The following ELP2 variants were observed in gnomAD, a reference collection of about 807,000 sequenced individuals.
ELP2 encodes the protein elongator acetyltransferase complex subunit 2, also known as elongator complex protein 2.
Under a neutral mutation model 119.2 loss-of-function variants are expected in ELP2, and 90 were observed. That is an observed-to-expected ratio of 0.75 (90% CI 0.64 to 0.90). The LOEUF is 0.90. Ranked by LOEUF, ELP2 falls within the 40% of genes least tolerant of loss-of-function variation. The pLI is 0.00. For missense variants in ELP2, 921 were observed against 967.8 expected (o/e 0.95, Z 0.64); for synonymous variants, 339 against 331.0 (o/e 1.02, Z -0.26).
At chr18:36,158,291 A>G (rs1257018938) in intron 13 of ELP2, among the ~76,000 whole-genome samples, 1 of 152,222 alleles carries the variant, frequency 6.6e-6, no homozygotes, top group Admixed American at 6.5e-5. Flanking sequence ...ATTGATATAA[A>G]TTGCAAAATC....
chr18:36,151,394 C>A (rs910115338), intron 11 of ELP2, among the ~76,000 whole-genome samples: 1 of 152,138 alleles, frequency 6.6e-6, no homozygotes, highest in Non-Finnish European at 1.5e-5. Context: ...TGCCTTCCAG[C>A]TTTTACCATT....
At chr18:36,169,865 C>T (rs1245414131) in intron 19 of ELP2, 198 bp from the exon 20 acceptor site, 14 of 657,276 alleles carry the variant, frequency 2.1e-5, no homozygotes, top group South Asian at 7.0e-5. Context: ...CTCTCGGAGA[C>T]GCATGTCTGC....
intron 3 of ELP2, chr18:36,137,081 A>G (rs979953769): frequency 2.6e-5 from 4 of 152,276 alleles, no homozygotes; most frequent in Admixed American, 2.6e-4. Flanking sequence ...AAATCTGAGC[A>G]GAGTTAACTT....
intron 8 of ELP2, 70 bp downstream of exon 8, chr18:36,143,036 A>G: frequency 9.2e-7 from 1 of 1,085,866 alleles, no homozygotes; most frequent in East Asian, 2.5e-5. Flanking sequence ...TTTTTTCACC[A>G]CCCACCTATG....
At chr18:36,151,387 C>A (rs1156605228) in intron 11 of ELP2, among the ~76,000 whole-genome samples, 3 of 152,170 alleles carry the variant, frequency 2.0e-5, no homozygotes, top group East Asian at 3.9e-4. Flanking sequence ...CCTGCCCTGC[C>A]TTCCAGCTTT....
At chr18:36,160,603 T>A (rs2090707592) in intron 16 of ELP2, among the ~76,000 whole-genome samples, 1 of 151,914 alleles carries the variant, frequency 6.6e-6, no homozygotes, top group Admixed American at 6.6e-5. Flanking sequence ...GACTTAAGTT[T>A]TGTTGTTAGT....
At chr18:36,148,487 GC>G (rs1670758970) in intron 11 of ELP2, among the ~76,000 whole-genome samples, 1 of 152,144 alleles carries the variant, frequency 6.6e-6, no homozygotes, top group South Asian at 2.1e-4. Context: ...GGAGTTTTGA[GC>G]CAGGAAGTTT....
chr18:36,170,340 C>T (rs1461367989), intron 20 of ELP2, 144 bp downstream of exon 20: 10 of 992,574 alleles, frequency 1.0e-5, no homozygotes, highest in African/African-American at 1.7e-5. Flanking sequence ...GAGATGGAGT[C>T]TCACTCTGTC....
At position 36,155,098 on chromosome 18, in the gene ELP2, C is replaced by T. The variant is rs542199976; in HGVS notation, c.1275+99C>T. On this transcript the variant is annotated intron_variant, in intron 12 of 21. Transcript: ENST00000358232. ...CACGATCTCAGCTCACTGCAGCCTC[C>T]GCCACCCAGGTTCAAGCGATTCTCC... 2,014 of 1,014,850 alleles carry T rather than the reference C, an allele frequency of 2.0e-3. 10 individuals are homozygous for T. The highest frequency in any genetic ancestry group is 3.0e-3 in the South Asian group (225 of 74,662). The allele number at this position is 1,014,850 out of a possible 1,614,324, so 62.9% of individuals were successfully genotyped here.
chr18:36,147,740 T>G (rs962183910), intron 11 of ELP2, among the ~76,000 whole-genome samples: 2 of 152,204 alleles, frequency 1.3e-5, no homozygotes, highest in African/African-American at 4.8e-5. Context: ...AGGGTTTTTA[T>G]GAGGCTTAAA....
Position 36,138,888 on chromosome 18 carries a change from A to G in ELP2, c.523+16A>G, listed in dbSNP as rs1486247496. ...AATACTGATGGTGAGTATCCTGTTA[A>G]GTATATGTTAAAAGGGCAGTATATT... On this transcript the variant is annotated intron_variant, in intron 5 of 21. Transcript: ENST00000358232. 2 of 1,597,648 alleles carry G rather than the reference A, an allele frequency of 1.3e-6. No individual in the cohort carries two copies. The highest frequency in any genetic ancestry group is 1.7e-6 in the Non-Finnish European group (2 of 1,165,544).
chr18:36,142,181 A>G (rs2090054067), intron 6 of ELP2, 100 bp from the exon 7 acceptor site: 1 of 938,502 alleles, frequency 1.1e-6, no homozygotes, highest in Admixed American at 1.7e-5. Context: ...TTCTCAGTAA[A>G]AGAGCAACGC....
Position 36,155,264 on chromosome 18 carries a change from T to TCCC in ELP2, c.1275+274_1275+276dup, listed in dbSNP as rs60227416. Reference sequence around the variant, plus strand: ...CTGACCTCAGGTGATGCACCGCCCCTCCCCCCCCCCCGCCTCCCAAAGTGC... The same window carrying TCCC: ...CTGACCTCAGGTGATGCACCGCCCCTCCCCCCCCCCCCCCGCCTCCCAAAGTGC... On this transcript the variant is annotated intron_variant, in intron 12 of 21. Transcript: ENST00000358232. 1.3e-3 allele frequency among the ~76,000 whole-genome samples: 133 copies of TCCC among 100,266 alleles called. 2 individuals are homozygous for TCCC. The highest frequency in any genetic ancestry group is 1.9e-3 in the Admixed American group (17 of 9,182). 65.8% of individuals were successfully genotyped at this position (100,266 alleles called of 152,430 possible).
intron 6 of ELP2, among the ~76,000 whole-genome samples, chr18:36,141,901 G>A (rs924238296): frequency 3.3e-5 from 5 of 151,880 alleles, no homozygotes; most frequent in African/African-American, 9.7e-5. Context: ...TTATTGCCCC[G>A]GCTGGTCTCA....
At chr18:36,138,938 C>G in intron 5 of ELP2, 66 bp downstream of exon 5, 3 of 1,217,968 alleles carry the variant, frequency 2.5e-6, no homozygotes, top group Non-Finnish European at 3.6e-6. Flanking sequence ...TGATTAGAAC[C>G]TAAAAGAAAT....
At chr18:36,140,950 A>T (rs532902863) in intron 5 of ELP2, among the ~76,000 whole-genome samples, 187 bp from the exon 6 acceptor site, 50 of 152,350 alleles carry the variant, frequency 3.3e-4, no homozygotes, top group African/African-American at 1.2e-3. Context: ...TAACCACTGA[A>T]TAGAACGTTT....
Position 36,136,334 on chromosome 18 carries a change from G to T in ELP2, c.245G>T (p.Gly82Val). 5.6e-6 allele frequency: 9 copies of T among 1,611,900 alleles called. No individual in the cohort carries two copies. Among genetic ancestry groups the T allele is most frequent in the Non-Finnish European group, 7.6e-6 (9 of 1,177,980 alleles). ...GSPSTELVSG[G>V]SDNQVIHWEI... ...CCTTCTACTGAATTAGTTTCTGGAG[G>T]ATCTGATAATCAAGTGATTCACTGG... Residue 82 changes from glycine (G) to valine (V), a missense_variant, in exon 3 of 22, where the codon GGA becomes GTA. By Grantham distance (109) the Gly-to-Val change is moderately radical. Transcript: ENST00000358232.
chr18:36,153,360 C>T (rs2090463182), intron 11 of ELP2, among the ~76,000 whole-genome samples: 1 of 152,128 alleles, frequency 6.6e-6, no homozygotes, highest in Non-Finnish European at 1.5e-5. Context: ...CTTTTTCTTC[C>T]CAAACCACAC....
At chr18:36,167,429 A>T (rs925631268) in intron 19 of ELP2, among the ~76,000 whole-genome samples, 2 of 152,182 alleles carry the variant, frequency 1.3e-5, no homozygotes, top group African/African-American at 4.8e-5. Flanking sequence ...TGTCAAAAAT[A>T]TGAGGAGAAG....
Sources: gnomAD v4.1 joint callset for allele counts (sites outside exome capture counted in the v4.1 genomes callset) on GRCh38, gnomAD v4.1.1 for gene constraint, MANE v1.5 for transcripts, NCBI Gene and HGNC (gene_info 2026-07-23, HGNC 2026-07-21) for gene names.